The following VIPR1 variants were observed in gnomAD, a reference collection of about 807,000 sequenced individuals.
VIPR1 encodes the protein vasoactive intestinal polypeptide receptor 1.
In VIPR1, 59 loss-of-function variants were observed where a neutral mutation model predicts 58.8. The observed-to-expected ratio is 1.00, with a 90% CI of 0.81 to 1.25. The LOEUF is 1.25. Among genes scored for constraint, VIPR1 ranks in the 50% most tolerant of loss-of-function variants. The pLI is 0.00. For missense variants in VIPR1, 626 were observed against 602.7 expected, an observed-to-expected ratio of 1.04 and a Z score of -0.40; for synonymous variants, 251 against 242.1, an observed-to-expected ratio of 1.04 and a Z score of -0.34.
At chr3:42,498,001 A>T (rs1202037433), upstream of VIPR1, among the ~76,000 whole-genome samples, 1 of 152,166 alleles carries the variant, frequency 6.6e-6, no homozygotes, top group East Asian at 1.9e-4. Context: ...TGAGGGAAGG[A>T]GTTCTCAGGT....
chr3:42,522,456 G>C (rs1293341542), intron 3 of VIPR1, among the ~76,000 whole-genome samples: 1 of 152,136 alleles, frequency 6.6e-6, no homozygotes, highest in Non-Finnish European at 1.5e-5. Flanking sequence ...ATATGGGAGA[G>C]CCATTCTGGC....
intron 3 of VIPR1, among the ~76,000 whole-genome samples, chr3:42,519,982 A>T (rs1700832476): frequency 6.6e-6 from 1 of 152,212 alleles, no homozygotes; most frequent in African/African-American, 2.4e-5. Flanking sequence ...AAATAAACAG[A>T]TGTATCATCA....
rs1228938621 is a variant in VIPR1, at chr3:42,519,293, C to G, written c.255C>G (p.Ala85=). Residue 85 remains alanine, a synonymous_variant, in exon 3 of 13, where the codon GCC becomes GCG. Transcript: ENST00000325123. ...ATPRGQVVVL[A]CPLIFKLFSS... is the part of the protein sequence containing the mutation. Reference sequence around the variant, plus strand: ...CTCGGGGCCAGGTAGTTGTCTTGGCCTGTCCCCTCATCTTCAAGCTCTTCT... The same window carrying G: ...CTCGGGGCCAGGTAGTTGTCTTGGCGTGTCCCCTCATCTTCAAGCTCTTCT... The G allele has an allele frequency of 2.5e-6, 4 of 1,610,870 alleles. No homozygotes were observed. The highest frequency in any genetic ancestry group is 2.5e-6 in the Non-Finnish European group (3 of 1,178,588).
In VIPR1 at chr3:42,528,066, C is replaced by T; in HGVS notation, c.579C>T (p.Phe193=). The change falls in exon 6 of 13, where the codon TTC becomes TTT. Residue 193 remains phenylalanine (F), a synonymous_variant. Transcript: ENST00000325123. ...ISFILRAAAV[F]IKDLALFDSG... ...TCATCCTGAGGGCTGCCGCTGTCTTCATCAAAGACTTGGCCCTCTTCGACA... is the reference window on the plus strand; with the variant it reads ...TCATCCTGAGGGCTGCCGCTGTCTTTATCAAAGACTTGGCCCTCTTCGACA... 1 of 1,614,110 alleles carries T rather than the reference C, an allele frequency of 6.2e-7. No individual in the cohort carries two copies. Among genetic ancestry groups the T allele is most frequent in the East Asian group, 2.2e-5 (1 of 44,878 alleles).
At chr3:42,526,087 G>A (rs1701221062) in intron 4 of VIPR1, 94 bp downstream of exon 4, 1 of 1,241,470 alleles carries the variant, frequency 8.1e-7, no homozygotes, top group Non-Finnish European at 1.1e-6. Context: ...GTTGCTGTCT[G>A]TGTGGGAACA....
chr3:42,498,530 T>A (rs1699809526), upstream of VIPR1, among the ~76,000 whole-genome samples: 1 of 152,156 alleles, frequency 6.6e-6, no homozygotes, highest in East Asian at 1.9e-4. Context: ...ACACCTATAG[T>A]TAGCACCACC....
intron 1 of VIPR1, among the ~76,000 whole-genome samples, chr3:42,505,193 G>A (rs1700061476): frequency 6.6e-6 from 1 of 151,996 alleles, no homozygotes. Context: ...TAGAACTGGG[G>A]CAGGGGTTGC....
intron 1 of VIPR1, among the ~76,000 whole-genome samples, chr3:42,504,666 TTCCCTCCCTGATTC>T (rs1388471398): frequency 2.0e-5 from 3 of 147,128 alleles, no homozygotes. Context: ...GGGTCCCTAT[TTCCCTCCCTGATTC>T]TCCCTCCTCC....
intron 1 of VIPR1, among the ~76,000 whole-genome samples, chr3:42,494,657 T>A (rs1267125004): frequency 5.3e-5 from 8 of 152,246 alleles, no homozygotes; most frequent in Admixed American, 5.2e-4. Flanking sequence ...GTCTATTTAC[T>A]GGTCTGCTCA....
At chr3:42,502,324 A>G (rs188640794), upstream of VIPR1, 111 of 157,494 alleles carry the variant, frequency 7.0e-4, no homozygotes, top group African/African-American at 2.6e-3. Context: ...GAGGGTGGAT[A>G]CAGAGGTGGG....
chr3:42,527,719 G>C, intron 5 of VIPR1: 1 of 634,488 alleles, frequency 1.6e-6, no homozygotes, highest in Non-Finnish European at 2.7e-6. Context: ...CTGCACCTGG[G>C]GACAGGGCAC....
Position 42,531,834 on chromosome 3 carries a change from T to G in VIPR1, c.883T>G (p.Trp295Gly). 6.2e-7 allele frequency: 1 copy of G among 1,614,074 alleles called. No homozygotes were observed. The highest frequency in any genetic ancestry group is 1.1e-5 in the South Asian group (1 of 91,074). The change falls in exon 9 of 13, where the codon TGG (tryptophan) becomes GGG (glycine). Residue 295 changes from tryptophan to glycine, a missense_variant. Physicochemically the swap from Trp to Gly is radical, Grantham distance 184. Transcript: ENST00000325123. ...CWDTINSSLW[W>G]IIKGPILTSI... ...GGACACCATCAACTCCTCACTGTGG[T>G]GGATCATAAAGGGCCCCATCCTCAC...
rs767374571 is a variant in VIPR1, at chr3:42,530,798, T to A, written c.656T>A (p.Met219Lys). The A allele has an allele frequency of 6.2e-7, 1 of 1,614,068 alleles. No homozygotes were observed. The highest frequency in any genetic ancestry group is 1.1e-5 in the South Asian group (1 of 91,084). ...SEGSVGCKAA[M>K]VFFQYCVMAN... ...CTGCAGGTGGGCTGTAAGGCAGCCA[T>A]GGTCTTTTTCCAATATTGTGTCATG... The change falls in exon 7 of 13, where the codon ATG (methionine) becomes AAG (lysine). Residue 219 changes from methionine to lysine, a missense_variant. Transcript: ENST00000325123.
chr3:42,502,778 C>T lies in VIPR1; in HGVS notation c.43C>T (p.Leu15=). The change falls in exon 1 of 13, where the codon CTG becomes TTG. Residue 15 remains leucine (L), a synonymous_variant. Transcript: ENST00000325123. ...SPLPARWLCV[L]AGALAWALGP... ...GCTGCCCGCCCGCTGGCTATGCGTG[C>T]TGGCAGGCGCCCTCGCCTGGGCCCT... 7.8e-7 allele frequency: 1 copy of T among 1,288,436 alleles called. No individual in the cohort carries two copies. The highest frequency in any genetic ancestry group is 9.8e-7 in the Non-Finnish European group (1 of 1,019,954). 79.8% of individuals were successfully genotyped at this position (1,288,436 alleles called of 1,614,324 possible).
chr3:42,497,876 C>T (rs1273553614), upstream of VIPR1, among the ~76,000 whole-genome samples: 3 of 152,172 alleles, frequency 2.0e-5, no homozygotes, highest in South Asian at 2.1e-4. Context: ...TTATAAACTT[C>T]CCAGTCTCAG....
Position 42,502,752 on chromosome 3 carries a change from C to A in VIPR1, c.17C>A (p.Pro6Gln). 2 of 1,308,982 alleles carry A rather than the reference C, an allele frequency of 1.5e-6. No individual in the cohort carries two copies. The highest frequency in any genetic ancestry group is 1.9e-6 in the Non-Finnish European group (2 of 1,031,832). The allele number at this position is 1,308,982 out of a possible 1,614,324, so 81.1% of individuals were successfully genotyped here. The change falls in exon 1 of 13, where the codon CCG (proline) becomes CAG (glutamine). Residue 6 changes from proline (P) to glutamine (Q), a missense_variant. By Grantham distance (76) the Pro-to-Gln change is moderately conservative. Transcript: ENST00000325123. MRPPSPLPARWLCVLA... is the reference protein window; with the variant it reads MRPPSQLPARWLCVLA... ...GGGCAGACCATGCGCCCGCCAAGTC[C>A]GCTGCCCGCCCGCTGGCTATGCGTG... is the stretch of plus-strand genomic sequence containing the variant.
Position 42,519,325 on chromosome 3 carries a change from T to C in VIPR1, c.287T>C (p.Ile96Thr), listed in dbSNP as rs1451231158. ...CPLIFKLFSS[I>T]QGRNVSRSCT... Reference sequence around the variant, plus strand: ...CTCATCTTCAAGCTCTTCTCCTCCATTCAAGGTAAGACCCCTGGGTTGAAG... The same window carrying C: ...CTCATCTTCAAGCTCTTCTCCTCCACTCAAGGTAAGACCCCTGGGTTGAAG... Residue 96 changes from isoleucine (I) to threonine (T), a missense_variant, in exon 3 of 13, where the codon ATT (isoleucine) becomes ACT (threonine). Ile to Thr is a moderately conservative substitution (Grantham distance 89). Transcript: ENST00000325123. The C allele has an allele frequency of 3.1e-6, 5 of 1,607,090 alleles. No individual in the cohort carries two copies. The Admixed American group carries it at 6.8e-5, about 22-fold the overall frequency.
At position 42,502,831 on chromosome 3, in the gene VIPR1, C is replaced by A. The variant is rs529298769; in HGVS notation, c.78+18C>A. On this transcript the variant is annotated intron_variant, in intron 1 of 12. Transcript: ENST00000325123. ...GGCCGGCGGTGAGTGTTCGCCCGGC[C>A]GCCCAGAGTCCCGGCAGCCTGGGGG... 560 of 1,251,490 alleles carry A rather than the reference C, an allele frequency of 4.5e-4. 1 individual carries two copies. The highest frequency in any genetic ancestry group is 5.3e-4 in the Non-Finnish European group (528 of 997,722). 77.5% of individuals were successfully genotyped at this position (1,251,490 alleles called of 1,614,324 possible).
At chr3:42,509,538 C>T (rs1178238212) in intron 1 of VIPR1, among the ~76,000 whole-genome samples, 1 of 152,232 alleles carries the variant, frequency 6.6e-6, no homozygotes, top group Non-Finnish European at 1.5e-5. Context: ...TCTAGCCCCT[C>T]ACCAATTCCT....
Sources: allele counts gnomAD v4.1 joint callset (sites outside exome capture counted in the v4.1 genomes callset), GRCh38; gene constraint gnomAD v4.1.1; transcripts MANE v1.5; gene names NCBI Gene and HGNC (gene_info 2026-07-23, HGNC 2026-07-21).